Variants in GDAP1 observed in about 807,000 individuals in gnomAD.
GDAP1 encodes ganglioside-induced differentiation-associated protein 1.
GDAP1 carries 34 observed loss-of-function variants against 40.1 expected under a neutral mutation model. The ratio of observed to expected loss-of-function variants is 0.85; its 90% CI spans 0.64 to 1.13. The LOEUF is 1.13. GDAP1 is among the 50% of genes most tolerant of loss of function. The pLI is 0.00. For synonymous variants in GDAP1, 170 were observed against 157.4 expected (o/e 1.08, Z -0.60); for missense variants, 374 against 433.7 (o/e 0.86, Z 1.22).
intron 2 of GDAP1, among the ~76,000 whole-genome samples, chr8:74,398,454 A>G (rs117954720): frequency 6.1e-4 from 93 of 152,330 alleles, no homozygotes; most frequent in Non-Finnish European, 1.0e-3. Flanking sequence ...TGGGCTGAAG[A>G]CGATGGGGTT....
intron 2 of GDAP1, among the ~76,000 whole-genome samples, chr8:74,439,414 C>T (rs879840840): frequency 2.0e-5 from 3 of 152,004 alleles, no homozygotes; most frequent in Non-Finnish European, 4.4e-5. Flanking sequence ...GCCAAATTTT[C>T]GTATGTGTGT....
intron 2 of GDAP1, among the ~76,000 whole-genome samples, chr8:74,356,714 A>ATT (rs1453688558): frequency 2.1e-4 from 12 of 57,870 alleles, no homozygotes; most frequent in Non-Finnish European, 3.5e-4. Flanking sequence ...ATATATATAT[A>ATT]TATTTTTTTT....
At chr8:74,358,485 G>T (rs980795215) in intron 2 of GDAP1, among the ~76,000 whole-genome samples, 1 of 152,110 alleles carries the variant, frequency 6.6e-6, no homozygotes, top group African/African-American at 2.4e-5. Context: ...GAGAGCATTT[G>T]TTTATGTGGA....
chr8:74,371,694 A>G (rs1442833451), downstream of GDAP1, among the ~76,000 whole-genome samples: 2 of 152,184 alleles, frequency 1.3e-5, no homozygotes, highest in Non-Finnish European at 2.9e-5. Context: ...GAGTTGAATA[A>G]TAAAAATACA....
chr8:74,422,324 TCTTTCTTTCTTTCTTTCTTTCTTTCTTC>T (rs1306046797), intron 2 of GDAP1, among the ~76,000 whole-genome samples: 96 of 67,294 alleles, frequency 1.4e-3, no homozygotes, highest in Middle Eastern at 8.5e-3. Flanking sequence ...TTTCTTTCTT[TCTTTCTTTCTTTCTTTCTTTCTTTCTTC>T]CCTTCCTTCC....
intron 2 of GDAP1, among the ~76,000 whole-genome samples, chr8:74,381,662 A>C (rs1274818811): frequency 6.6e-6 from 1 of 151,978 alleles, no homozygotes. Context: ...AGGCTGAGGC[A>C]GGAGAATCGC....
At position 74,365,266 on chromosome 8, in the gene GDAP1, G is replaced by C. The variant is rs1809569176; in HGVS notation, c.*899G>C. ...CTGTAAACACAAAAATTGTTGTCCA[G>C]ATCTTTCATCTGTTTATGATCATCA... On this transcript the variant is annotated 3_prime_UTR_variant, in exon 6 of 6. Transcript: ENST00000220822. The C allele has an allele frequency of 2.2e-6, 1 of 454,006 alleles. No homozygotes were observed. Among genetic ancestry groups the C allele is most frequent in the Non-Finnish European group, 4.4e-6 (1 of 226,800 alleles). 28.1% of individuals were successfully genotyped at this position (454,006 alleles called of 1,614,324 possible).
chr8:74,462,843 A>G (rs999093405), intron 2 of GDAP1, among the ~76,000 whole-genome samples: 1 of 152,028 alleles, frequency 6.6e-6, no homozygotes, highest in African/African-American at 2.4e-5. Flanking sequence ...CTAGTAGATT[A>G]GAAAGCATTT....
At chr8:74,363,470 G>A (rs1809472042) in intron 5 of GDAP1, among the ~76,000 whole-genome samples, 1 of 152,184 alleles carries the variant, frequency 6.6e-6, no homozygotes, top group South Asian at 2.1e-4. Context: ...CAGTGAACTG[G>A]CTTCAGGGTT....
chr8:74,360,187 G>T lies in GDAP1; in HGVS notation c.361G>T (p.Val121Leu). ...PDKESMYYPRVQHYRELLDSL... is the reference protein window; with the variant it reads ...PDKESMYYPRLQHYRELLDSL... ...TAAAGAAAGCATGTATTACCCACGG[G>T]TACAACATTACCGAGAGCTGCTTGA... The change falls in exon 3 of 6, where the codon GTA becomes TTA. Residue 121 changes from valine (V) to leucine (L), a missense_variant. Physicochemically the swap from Val to Leu is conservative, Grantham distance 32. Coordinates refer to ENST00000220822, the MANE Select transcript of GDAP1 (RefSeq NM_018972.4). 1 of 1,613,474 alleles carries T rather than the reference G, an allele frequency of 6.2e-7. No homozygotes were observed. The highest frequency in any genetic ancestry group is 8.5e-7 in the Non-Finnish European group (1 of 1,179,436).
intron 2 of GDAP1, among the ~76,000 whole-genome samples, chr8:74,436,553 G>T (rs144198400): frequency 0.01 from 1,592 of 151,650 alleles, 41 homozygotes; most frequent in African/African-American, 0.036. Context: ...CTCCCGAGTA[G>T]CTGGGATTAC....
intron 2 of GDAP1, among the ~76,000 whole-genome samples, chr8:74,410,844 G>A (rs1161746605): frequency 6.7e-6 from 1 of 150,134 alleles, no homozygotes; most frequent in East Asian, 1.9e-4. Flanking sequence ...ACTTGTGTTT[G>A]CAATTAAATA....
chr8:74,469,657 A>C (rs1806520828), intron 2 of GDAP1, among the ~76,000 whole-genome samples: 1 of 146,422 alleles, frequency 6.8e-6, no homozygotes, highest in African/African-American at 2.6e-5. Context: ...CTACAGAGTG[A>C]GACTCCGTCT....
chr8:74,443,000 G>A lies in GDAP1; in HGVS notation c.166-45678G>A, dbSNP rs545184730. On this transcript the variant is annotated intron_variant, in intron 2 of 2. Transcript: ENST00000523640. ...ATTCTGCTAGACTCTAAAATGAATG[G>A]CAGCCTTGCTCTTAAAGGGATTAGA... 2.0e-5 allele frequency among the ~76,000 whole-genome samples: 3 copies of A among 152,288 alleles called. No homozygotes were observed. In the East Asian group the frequency reaches 5.8e-4, roughly 29 times the overall value.
intron 2 of GDAP1, among the ~76,000 whole-genome samples, chr8:74,357,859 G>T (rs533016312): frequency 3.0e-4 from 45 of 152,270 alleles, no homozygotes; most frequent in African/African-American, 1.1e-3. Flanking sequence ...TTTGATAAAG[G>T]TACTCTACGG....
In GDAP1 at chr8:74,422,352, C is replaced by CCCTTCCTT. The variant is rs56384829; in HGVS notation, c.166-66288_166-66281dup. On this transcript the variant is annotated intron_variant, in intron 2 of 2. Coordinates refer to the GDAP1 transcript ENST00000523640. ...TTCTTTCTTTCTTTCTTTCTTTCTT[C>CCCTTCCTT]CCTTCCTTCCTTCCTTCCTTCCTTC... 5.1e-3 allele frequency among the ~76,000 whole-genome samples: 173 copies of CCCTTCCTT among 34,206 alleles called. 2 individuals carry two copies. Among genetic ancestry groups the CCCTTCCTT allele is most frequent in the South Asian group, 0.012 (11 of 930 alleles). The allele number at this position is 34,206 out of a possible 152,430, so 22.4% of individuals were successfully genotyped here. A position where few individuals can be genotyped will look rare whatever the true frequency, so the allele number is the denominator to read the frequency against.
intron 2 of GDAP1, among the ~76,000 whole-genome samples, chr8:74,422,346 TTTCTTCCCTTCCTTCCTTCCTTCCTTCC>T (rs1300591441): frequency 2.6e-4 from 13 of 49,446 alleles, no homozygotes; most frequent in African/African-American, 1.0e-3. Context: ...TCTTTCTTTC[TTTCTTCCCTTCCTTCCTTCCTTCCTTCC>T]TTCCTTCCTT....
intron 2 of GDAP1, among the ~76,000 whole-genome samples, chr8:74,464,974 C>G (rs1429418904): frequency 6.6e-6 from 1 of 152,110 alleles, no homozygotes; most frequent in Non-Finnish European, 1.5e-5. Context: ...AATCCTAGCA[C>G]TTTGGGAGGC....
chr8:74,390,654 T>C (rs1810094527), intron 2 of GDAP1, among the ~76,000 whole-genome samples: 1 of 152,202 alleles, frequency 6.6e-6, no homozygotes, highest in Non-Finnish European at 1.5e-5. Context: ...TCAGAAGGCA[T>C]GGGGATCAGG....
Sources: gnomAD v4.1 joint callset for allele counts (sites outside exome capture counted in the v4.1 genomes callset) on GRCh38, gnomAD v4.1.1 for gene constraint, MANE v1.5 for transcripts, NCBI Gene and HGNC (gene_info 2026-07-23, HGNC 2026-07-21) for gene names.